Variants in HDAC9 observed in about 807,000 individuals in gnomAD.
HDAC9 encodes histone deacetylase 9.
Under a neutral mutation model 139.4 loss-of-function variants are expected in HDAC9, and 41 were observed. The ratio of observed to expected loss-of-function variants is 0.29; its 90% confidence interval spans 0.23 to 0.38. The LOEUF (loss-of-function observed/expected upper bound fraction) is 0.38. Among genes scored for constraint, HDAC9 ranks in the 10% least tolerant of loss-of-function variants. HDAC9 has a pLI of 1.00. For missense variants in HDAC9, 1,147 were observed against 1,297.0 expected (o/e 0.88, Z 1.78); for synonymous variants, 517 against 476.2 (o/e 1.09, Z -1.12).
chr7:18,942,578 C>G (rs999169947), intron 23 of HDAC9, among the ~76,000 whole-genome samples: 1 of 152,006 alleles, frequency 6.6e-6, no homozygotes, highest in Non-Finnish European at 1.5e-5. Flanking sequence ...ATGGCAGAAG[C>G]TTGTAGAAGA....
intron 19 of HDAC9, among the ~76,000 whole-genome samples, chr7:18,831,322 A>G (rs182432959): frequency 1.3e-5 from 2 of 152,346 alleles, no homozygotes; most frequent in African/African-American, 4.8e-5. Context: ...GATACTTTGT[A>G]TTTCAGAGGA....
rs529603678 is a variant in HDAC9, at chr7:18,764,925, A to C, written c.2165-2181A>C. Among the ~76,000 whole-genome samples the C allele has an allele frequency of 1.4e-4, 22 of 152,290 alleles. No homozygotes were observed. The East Asian group carries it at 4.2e-3, about 29-fold the overall frequency. On this transcript the variant is annotated intron_variant, in intron 15 of 25. Coordinates refer to ENST00000686413, the MANE Select transcript of HDAC9 (RefSeq NM_178425.4). The stretch of plus-strand genomic sequence containing the variant: ...CTTGAAAGACATCTATAGATGATAA[A>C]ATAATTGGATTTGAAAATGAACATC...
intron 17 of HDAC9, among the ~76,000 whole-genome samples, chr7:18,806,287 C>A (rs955820943): frequency 6.6e-6 from 1 of 152,166 alleles, no homozygotes; most frequent in Non-Finnish European, 1.5e-5. Flanking sequence ...TCTTTTCAGT[C>A]CTGGAAGTCT....
intron 16 of HDAC9, among the ~76,000 whole-genome samples, chr7:18,787,666 A>T (rs1791937416): frequency 2.6e-5 from 4 of 152,232 alleles, no homozygotes; most frequent in Admixed American, 2.6e-4. Context: ...AAACCTCACT[A>T]GCCTGTGTGT....
chr7:18,738,929 TC>T (rs1276387231), intron 13 of HDAC9, among the ~76,000 whole-genome samples: 2 of 152,200 alleles, frequency 1.3e-5, no homozygotes, highest in African/African-American at 4.8e-5. Flanking sequence ...TTTCACATAG[TC>T]CCATATTTCT....
At chr7:18,852,614 T>G (rs1797384844) in intron 21 of HDAC9, among the ~76,000 whole-genome samples, 1 of 152,194 alleles carries the variant, frequency 6.6e-6, no homozygotes, top group Admixed American at 6.5e-5. Context: ...CATATAGTCC[T>G]AACACCTTGT....
In HDAC9 at chr7:18,251,715, G is replaced by C. The variant is rs187634507; in HGVS notation, c.25+89366G>C. Among the ~76,000 whole-genome samples, 418 of 152,204 alleles carry C rather than the reference G, an allele frequency of 2.7e-3. 1 individual carries two copies. Among genetic ancestry groups the C allele is most frequent in the Non-Finnish European group, 4.5e-3 (304 of 67,986 alleles). On this transcript the variant is annotated intron_variant, in intron 2 of 12. Transcript: ENST00000417496. ...AAAAAGATGGACAACCTTTAATCTT[G>C]TATCACATCAATACTGTCATTACCT... is the stretch of plus-strand genomic sequence containing the variant.
chr7:18,755,510 T>G (rs919844204), intron 14 of HDAC9, among the ~76,000 whole-genome samples: 10 of 152,174 alleles, frequency 6.6e-5, no homozygotes, highest in Non-Finnish European at 5.9e-5. Context: ...GTTTCATACA[T>G]GATGACCAGT....
intron 21 of HDAC9, among the ~76,000 whole-genome samples, chr7:18,843,913 T>C (rs1796745300): frequency 6.6e-6 from 1 of 152,184 alleles, no homozygotes; most frequent in Non-Finnish European, 1.5e-5. Flanking sequence ...TTTGCTCAAC[T>C]GAAGGTCTGT....
intron 10 of HDAC9, 48 bp downstream of exon 10, chr7:18,648,046 A>T (rs1787989342): frequency 1.4e-6 from 2 of 1,389,870 alleles, no homozygotes; most frequent in African/African-American, 2.9e-5. Context: ...GTTTTATTTT[A>T]TTAGTGATCC....
intron 21 of HDAC9, 117 bp downstream of exon 21, chr7:18,836,114 C>A: frequency 1.7e-6 from 1 of 595,394 alleles, no homozygotes; most frequent in Non-Finnish European, 2.9e-6. Context: ...CGCTCAAAGC[C>A]ACATAAGAAT....
chr7:18,358,312 T>G (rs1462349624), intron 1 of HDAC9, among the ~76,000 whole-genome samples: 1 of 152,244 alleles, frequency 6.6e-6, no homozygotes, highest in Non-Finnish European at 1.5e-5. Context: ...TTGAGTCCAC[T>G]GATGTTGGGA....
intron 1 of HDAC9, among the ~76,000 whole-genome samples, chr7:18,295,572 A>C (rs1230055372): frequency 2.0e-5 from 3 of 152,162 alleles, no homozygotes; most frequent in African/African-American, 7.2e-5. Flanking sequence ...TCTTTACATA[A>C]CTGTATGGTA....
At chr7:18,866,492 C>A (rs908492954) in intron 21 of HDAC9, among the ~76,000 whole-genome samples, 1 of 152,126 alleles carries the variant, frequency 6.6e-6, no homozygotes, top group Non-Finnish European at 1.5e-5. Flanking sequence ...TCCTCTGTCC[C>A]TCAGTACACT....
chr7:18,335,899 C>G (rs894330820), intron 1 of HDAC9, among the ~76,000 whole-genome samples: 8 of 151,480 alleles, frequency 5.3e-5, no homozygotes, highest in African/African-American at 1.9e-4. Flanking sequence ...AAGACATGAA[C>G]TAGTATATTT....
chr7:18,127,450 C>T (rs1265587586), intron 1 of HDAC9: 2 of 168,446 alleles, frequency 1.2e-5, no homozygotes, highest in African/African-American at 4.8e-5. Context: ...TGCTTCCCTG[C>T]TCCCTCTGTA....
intron 1 of HDAC9, among the ~76,000 whole-genome samples, chr7:18,387,685 T>TAAAAGTACA (rs1786068006): frequency 6.6e-6 from 1 of 152,242 alleles, no homozygotes; most frequent in Admixed American, 6.5e-5. Context: ...GTATGTACTT[T>TAAAAGTACA]TAAAAACCTT....
At chr7:18,316,433 A>G (rs1271390498) in intron 1 of HDAC9, among the ~76,000 whole-genome samples, 1 of 152,106 alleles carries the variant, frequency 6.6e-6, no homozygotes, top group Non-Finnish European at 1.5e-5. Flanking sequence ...AATGCATTCT[A>G]TAATGGTTTT....
At chr7:18,689,226 AC>A in intron 12 of HDAC9, among the ~76,000 whole-genome samples, 1 of 151,434 alleles carries the variant, frequency 6.6e-6, no homozygotes, top group African/African-American at 2.4e-5. Context: ...CATTATTGCA[AC>A]TTCCAAATGA....
Sources: allele counts gnomAD v4.1 joint callset (sites outside exome capture counted in the v4.1 genomes callset), GRCh38; gene constraint gnomAD v4.1.1; transcripts MANE v1.5; gene names NCBI Gene and HGNC (gene_info 2026-07-23, HGNC 2026-07-21).